MAGI2: variants seen among roughly 807,000 people sequenced by gnomAD.
The protein encoded by MAGI2 is membrane-associated guanylate kinase, WW and PDZ domain-containing protein 2.
In MAGI2, 35 loss-of-function variants were observed where a neutral mutation model predicts 133.3. The ratio of observed to expected loss-of-function variants is 0.26; its 90% CI spans 0.20 to 0.35. The LOEUF (loss-of-function observed/expected upper bound fraction) is 0.35, where lower values mean the gene tolerates loss of function less well. Ranked by LOEUF, MAGI2 falls within the 10% of genes least tolerant of loss-of-function variation. The pLI, the probability that MAGI2 is intolerant of heterozygous loss-of-function variation, is 1.00. For missense variants in MAGI2, 1,636 were observed against 1,863.4 expected (o/e 0.88, Z 2.25); for synonymous variants, 729 against 710.6 (o/e 1.03, Z -0.41).
intron 1 of MAGI2, among the ~76,000 whole-genome samples, chr7:79,169,224 AC>A (rs1216387250): frequency 6.6e-6 from 1 of 151,746 alleles, no homozygotes. Context: ...TGTGAGCTGG[AC>A]CGTTTTCAGT....
intron 4 of MAGI2, among the ~76,000 whole-genome samples, chr7:78,506,156 A>G (rs950532174): frequency 3.3e-5 from 5 of 152,316 alleles, no homozygotes. Flanking sequence ...TGTGCTCTCA[A>G]AAAGTAATGA....
intron 5 of MAGI2, among the ~76,000 whole-genome samples, chr7:78,497,220 TCTC>T (rs1794171264): frequency 6.6e-6 from 1 of 152,128 alleles, no homozygotes; most frequent in South Asian, 2.1e-4. Context: ...CATTTAAAAG[TCTC>T]CTGAAAATTA....
intron 2 of MAGI2, among the ~76,000 whole-genome samples, chr7:78,941,232 A>G (rs1013215393): frequency 6.6e-6 from 1 of 152,192 alleles, no homozygotes; most frequent in Non-Finnish European, 1.5e-5. Context: ...AGGTTCATCT[A>G]TTGTGTCAAA....
intron 2 of MAGI2, among the ~76,000 whole-genome samples, chr7:78,790,730 G>A (rs1459088492): frequency 6.6e-6 from 1 of 151,908 alleles, no homozygotes; most frequent in African/African-American, 2.4e-5. Flanking sequence ...CACCGTGCCC[G>A]GCCCTGTCAT....
At chr7:78,505,489 A>G (rs1795004198) in intron 4 of MAGI2, among the ~76,000 whole-genome samples, 1 of 152,200 alleles carries the variant, frequency 6.6e-6, no homozygotes, top group Non-Finnish European at 1.5e-5. Flanking sequence ...TTTCTGTGGC[A>G]TATTTCAACA....
At chr7:78,129,930 C>T (rs1268456320) in intron 18 of MAGI2, among the ~76,000 whole-genome samples, 9 of 122,934 alleles carry the variant, frequency 7.3e-5, no homozygotes, top group South Asian at 2.8e-4. Context: ...AGGGAAACTC[C>T]GCCTCAAAAA....
chr7:78,929,333 A>C (rs970921254), intron 2 of MAGI2, among the ~76,000 whole-genome samples: 3 of 152,096 alleles, frequency 2.0e-5, no homozygotes, highest in Non-Finnish European at 4.4e-5. Context: ...TTCTTGCAGT[A>C]GATTCTTATC....
chr7:78,980,545 C>T (rs992981311), intron 2 of MAGI2, among the ~76,000 whole-genome samples: 9 of 151,792 alleles, frequency 5.9e-5, no homozygotes, highest in Admixed American at 2.0e-4. Context: ...TATTTCAACG[C>T]TAATGACATC....
chr7:79,156,175 T>C (rs1823759995), intron 1 of MAGI2, among the ~76,000 whole-genome samples: 1 of 152,146 alleles, frequency 6.6e-6, no homozygotes, highest in East Asian at 1.9e-4. Context: ...TAACTCTATG[T>C]ATCGTGACTT....
intron 5 of MAGI2, among the ~76,000 whole-genome samples, chr7:78,493,650 A>C (rs988544728): frequency 2.0e-5 from 3 of 152,124 alleles, no homozygotes; most frequent in African/African-American, 7.2e-5. Context: ...GTGGTCTGAA[A>C]CCAGAGGCAT....
chr7:79,325,327 C>T (rs1336211891), intron 1 of MAGI2, among the ~76,000 whole-genome samples: 1 of 152,118 alleles, frequency 6.6e-6, no homozygotes, highest in Non-Finnish European at 1.5e-5. Flanking sequence ...CTGGAATGTC[C>T]TTCTTGAGAC....
chr7:79,410,801 A>G (rs1455855560), intron 1 of MAGI2: 1 of 152,144 alleles, frequency 6.6e-6, no homozygotes, highest in East Asian at 1.9e-4. Context: ...TTGAATGCAG[A>G]TATCAAGGTG....
At chr7:78,062,145 T>C (rs1419908039) in intron 21 of MAGI2, among the ~76,000 whole-genome samples, 1 of 152,142 alleles carries the variant, frequency 6.6e-6, no homozygotes, top group Non-Finnish European at 1.5e-5. Context: ...GTAGAGATGG[T>C]ATCTTACTCA....
chr7:78,093,929 A>G (rs1222829317), intron 20 of MAGI2, among the ~76,000 whole-genome samples: 1 of 152,204 alleles, frequency 6.6e-6, no homozygotes, highest in African/African-American at 2.4e-5. Flanking sequence ...TTAATTCTCA[A>G]ATCAAGCTAC....
chr7:79,198,803 G>A (rs1233955226), intron 1 of MAGI2, among the ~76,000 whole-genome samples: 3 of 151,890 alleles, frequency 2.0e-5, no homozygotes, highest in African/African-American at 7.3e-5. Context: ...CAGGAGAATC[G>A]CTTGAACCCA....
intron 21 of MAGI2, 155 bp downstream of exon 21, chr7:78,078,792 G>A (rs983018549): frequency 7.4e-6 from 4 of 541,094 alleles, no homozygotes; most frequent in Admixed American, 3.3e-5. Context: ...GTGTGTATGT[G>A]TGTGTGTGTG....
chr7:78,822,686 T>G (rs1790230717), intron 2 of MAGI2, among the ~76,000 whole-genome samples: 1 of 152,070 alleles, frequency 6.6e-6, no homozygotes, highest in Admixed American at 6.5e-5. Flanking sequence ...TACTAAAAAG[T>G]TTTTCCCCAC....
chr7:78,176,513 G>A (rs1028364387), intron 14 of MAGI2, among the ~76,000 whole-genome samples: 4 of 152,078 alleles, frequency 2.6e-5, no homozygotes, highest in Non-Finnish European at 5.9e-5. Context: ...GCGCCTCGGG[G>A]TTCCTGCCAG....
At chr7:79,340,350 G>A (rs1265729884) in intron 1 of MAGI2, among the ~76,000 whole-genome samples, 1 of 151,810 alleles carries the variant, frequency 6.6e-6, no homozygotes, top group Non-Finnish European at 1.5e-5. Context: ...AGTTTGTTTT[G>A]TTTGTGGTTT....
Sources: allele counts gnomAD v4.1 joint callset (sites outside exome capture counted in the v4.1 genomes callset), GRCh38; gene constraint gnomAD v4.1.1; transcripts MANE v1.5; gene names NCBI Gene and HGNC (gene_info 2026-07-23, HGNC 2026-07-21).